TLN2: variants seen among roughly 807,000 people sequenced by gnomAD.
The protein encoded by TLN2 is talin-2.
Under a neutral mutation model 294.7 loss-of-function variants are expected in TLN2, and 118 were observed. The observed-to-expected ratio is 0.40, with a 90% confidence interval of 0.34 to 0.47. The LOEUF is 0.47. Ranked by LOEUF, TLN2 falls within the 20% of genes least tolerant of loss-of-function variation. The pLI is 0.84. For missense variants in TLN2, 3,083 were observed against 3,282.2 expected (o/e 0.94, Z 1.48); for synonymous variants, 1,431 against 1,304.5 (o/e 1.10, Z -2.09).
intron 1 of TLN2, among the ~76,000 whole-genome samples, chr15:62,544,471 G>C (rs921052358): frequency 6.6e-6 from 1 of 152,176 alleles, no homozygotes; most frequent in African/African-American, 2.4e-5. Flanking sequence ...AGAATGGCTT[G>C]TTTCCACAGA....
chr15:62,509,810 A>G (rs1048725607), intron 1 of TLN2, among the ~76,000 whole-genome samples: 2 of 151,468 alleles, frequency 1.3e-5, no homozygotes, highest in African/African-American at 4.9e-5. Flanking sequence ...CCTGCCTGGA[A>G]CTCCCTCCCT....
chr15:62,479,059 G>T (rs2037939589), intron 1 of TLN2, among the ~76,000 whole-genome samples: 1 of 152,162 alleles, frequency 6.6e-6, no homozygotes, highest in South Asian at 2.1e-4. Flanking sequence ...TGGAATGCTG[G>T]GATGTCCATC....
At chr15:62,491,398 T>TATA (rs1567024782) in intron 1 of TLN2, among the ~76,000 whole-genome samples, 24 of 126,242 alleles carry the variant, frequency 1.9e-4, no homozygotes, top group South Asian at 1.1e-3. Context: ...ACACACACAT[T>TATA]TATATAAGAT....
intron 9 of TLN2, among the ~76,000 whole-genome samples, chr15:62,662,633 A>T (rs931892656): frequency 2.0e-5 from 3 of 152,174 alleles, no homozygotes; most frequent in Non-Finnish European, 4.4e-5. Flanking sequence ...TAGACACTAG[A>T]CACTGGAGAT....
intron 14 of TLN2, 42 bp downstream of exon 14, chr15:62,694,434 G>A: frequency 1.3e-6 from 2 of 1,570,210 alleles, no homozygotes; most frequent in Non-Finnish European, 1.8e-6. Flanking sequence ...CTTCTCCCTA[G>A]ATAGGTAGGT....
At chr15:62,721,811 C>G (rs2060164687) in intron 25 of TLN2, among the ~76,000 whole-genome samples, 1 of 152,132 alleles carries the variant, frequency 6.6e-6, no homozygotes, top group Non-Finnish European at 1.5e-5. Flanking sequence ...TTATATAGCT[C>G]TTTAAAAGGT....
At chr15:62,825,836 A>ATATTATATATTATAATATAAT (rs1555522053) in intron 54 of TLN2, among the ~76,000 whole-genome samples, 1 of 77,062 alleles carries the variant, frequency 1.3e-5, no homozygotes, top group African/African-American at 8.2e-5. Context: ...TATAATATAT[A>ATATTATATATTATAATATAAT]ATATATATAA....
chr15:62,466,703 A>G (rs112969932), intron 1 of TLN2, among the ~76,000 whole-genome samples: 4,058 of 152,338 alleles, frequency 0.027, 52 homozygotes, highest in Non-Finnish European at 0.031. Flanking sequence ...AGTAGGTAAC[A>G]CTGGCTGAAA....
intron 12 of TLN2, among the ~76,000 whole-genome samples, chr15:62,689,549 T>TTAGCAGA (rs2057597984): frequency 6.6e-6 from 1 of 152,152 alleles, no homozygotes. Flanking sequence ...CTTTAGCTAT[T>TTAGCAGA]TGTTAAGGGT....
chr15:62,580,014 C>T (rs2044785629), intron 1 of TLN2, among the ~76,000 whole-genome samples: 1 of 152,168 alleles, frequency 6.6e-6, no homozygotes, highest in Non-Finnish European at 1.5e-5. Context: ...CCAGATCCTC[C>T]ATCGCTGCTT....
At chr15:62,491,338 ATATATAT>A (rs1385832446) in intron 1 of TLN2, among the ~76,000 whole-genome samples, 1 of 85,460 alleles carries the variant, frequency 1.2e-5, no homozygotes, top group African/African-American at 3.8e-5. Context: ...AAAAAAAAAA[ATATATAT>A]ATATATACAC....
In TLN2 at chr15:62,496,351, G is replaced by A. The variant is rs2039015092; in HGVS notation, c.-237-93336G>A. Among the ~76,000 whole-genome samples the A allele has an allele frequency of 1.5e-5, 2 of 129,900 alleles. 1 individual carries two copies. Among genetic ancestry groups the A allele is most frequent in the Non-Finnish European group, 3.2e-5 (2 of 61,894 alleles). The allele number at this position is 129,900 out of a possible 152,430, so 85.2% of individuals were successfully genotyped here. On this transcript the variant is annotated intron_variant, in intron 1 of 58. Coordinates refer to ENST00000636159, the MANE Select transcript of TLN2 (RefSeq NM_015059.3). The stretch of plus-strand genomic sequence containing the variant: ...GCTGTGCCTCAGCATCACCCGTACA[G>A]CTTAAAAAGAAATTACACGGAACCA...
intron 1 of TLN2, among the ~76,000 whole-genome samples, chr15:62,526,206 T>G (rs2040730775): frequency 6.6e-6 from 1 of 152,178 alleles, no homozygotes. Flanking sequence ...CTCGGCTCAC[T>G]GCAAGTTCTG....
intron 1 of TLN2, among the ~76,000 whole-genome samples, chr15:62,548,435 A>T (rs1017007482): frequency 6.6e-6 from 1 of 152,202 alleles, no homozygotes; most frequent in Non-Finnish European, 1.5e-5. Context: ...AAGACAATGC[A>T]TTGGCTCAAT....
chr15:62,675,397 C>A, intron 11 of TLN2, 76 bp downstream of exon 11: 1 of 1,432,910 alleles, frequency 7.0e-7, no homozygotes, highest in Non-Finnish European at 9.7e-7. Context: ...TGCTGTTAAG[C>A]CTGGTTTGTC....
intron 52 of TLN2, among the ~76,000 whole-genome samples, chr15:62,818,599 G>C (rs2067302098): frequency 6.6e-6 from 1 of 152,082 alleles, no homozygotes; most frequent in African/African-American, 2.4e-5. Context: ...GAAAACTTTT[G>C]AACTAATTCA....
intron 52 of TLN2, among the ~76,000 whole-genome samples, chr15:62,812,935 C>T (rs917321976): frequency 3.9e-5 from 6 of 152,206 alleles, no homozygotes; most frequent in African/African-American, 1.4e-4. Context: ...GCCACCCAGT[C>T]GCTATGTCAA....
At chr15:62,796,474 C>T (rs1018958355) in intron 47 of TLN2, among the ~76,000 whole-genome samples, 181 bp downstream of exon 47, 2 of 152,218 alleles carry the variant, frequency 1.3e-5, no homozygotes, top group African/African-American at 2.4e-5. Context: ...ACTGTAAACA[C>T]AGTGTCGTGG....
rs751575830 is a variant in TLN2 at position 62,698,821 on chromosome 15, A to G, written c.1541A>G (p.Asp514Gly). The change falls in exon 16 of 59, where the codon GAT becomes GGT. Residue 514 changes from aspartate to glycine, a missense_variant. Physicochemically the swap from Asp to Gly is moderately conservative, Grantham distance 94 (BLOSUM62 -1). Transcript: ENST00000636159. ...ATGCACGCCGTCCAGCAGGCCCAGG[A>G]TGATCTCAGTGAGCTCGACTCGCTG... ...TSMHAVQQAQ[D>G]DLSELDSLPP... 2 of 1,613,084 alleles carry G rather than the reference A, an allele frequency of 1.2e-6. No homozygotes were observed. Among genetic ancestry groups the G allele is most frequent in the South Asian group, 2.2e-5 (2 of 91,080 alleles).
Sources: gnomAD v4.1 joint callset for allele counts (sites outside exome capture counted in the v4.1 genomes callset) on GRCh38, gnomAD v4.1.1 for gene constraint, MANE v1.5 for transcripts, NCBI Gene and HGNC (gene_info 2026-07-23, HGNC 2026-07-21) for gene names.